The following TP53BP1 variants were observed in gnomAD, a reference collection of about 807,000 sequenced individuals.
The protein encoded by TP53BP1 is TP53-binding protein 1.
Under a neutral mutation model 200.8 loss-of-function variants are expected in TP53BP1, and 61 were observed. That is an observed-to-expected ratio of 0.30 (90% CI 0.25 to 0.38). The LOEUF is 0.38. TP53BP1 is among the 10% of genes least tolerant of loss of function. The pLI is 1.00. For synonymous variants in TP53BP1, 822 were observed against 844.3 expected, an observed-to-expected ratio of 0.97 and a Z score of 0.46; for missense variants, 2,144 against 2,371.9, an observed-to-expected ratio of 0.90 and a Z score of 2.00.
At chr15:43,500,938 G>A (rs534524782) in intron 1 of TP53BP1, among the ~76,000 whole-genome samples, 3 of 152,246 alleles carry the variant, frequency 2.0e-5, no homozygotes, top group African/African-American at 4.8e-5. Flanking sequence ...GGAGGCCAAT[G>A]CAGGAGGATC....
intron 10 of TP53BP1, among the ~76,000 whole-genome samples, 191 bp from the exon 11 acceptor site, chr15:43,470,257 G>A (rs187734563): frequency 2.0e-5 from 3 of 152,286 alleles, no homozygotes; most frequent in South Asian, 2.1e-4. Flanking sequence ...TTTGGTTGGC[G>A]GAGCAGTCCA....
intron 23 of TP53BP1, among the ~76,000 whole-genome samples, chr15:43,415,055 G>C (rs1457927274): frequency 6.6e-6 from 1 of 152,122 alleles, no homozygotes; most frequent in African/African-American, 2.4e-5. Flanking sequence ...AAGCACAAGA[G>C]AGAGGGGAGC....
At position 43,419,536 on chromosome 15, in the gene TP53BP1, C is replaced by CT. The variant is rs34159488; in HGVS notation, c.4681+768dup. On this transcript the variant is annotated intron_variant, in intron 21 of 27. Coordinates refer to ENST00000382044, the MANE Select transcript of TP53BP1 (RefSeq NM_001141980.3). ...CCCCATGCCCAGCTAATTTATGTTC[C>CT]TTTTTTTTTTTTTTTTTTTTTTTTT... is the stretch of plus-strand genomic sequence containing the variant. 6.1e-3 allele frequency among the ~76,000 whole-genome samples: 447 copies of CT among 73,424 alleles called. 40 individuals carry two copies. The highest frequency in any genetic ancestry group is 9.2e-3 in the South Asian group (18 of 1,948). 48.2% of individuals were successfully genotyped at this position (73,424 alleles called of 152,430 possible).
chr15:43,420,926 C>A (rs2045381335), intron 20 of TP53BP1, 99 bp downstream of exon 20: 1 of 1,456,908 alleles, frequency 6.9e-7, no homozygotes, highest in Non-Finnish European at 9.3e-7. Context: ...TATGGCCCCT[C>A]TTCTCCCTCC....
intron 4 of TP53BP1, among the ~76,000 whole-genome samples, chr15:43,482,090 G>C (rs892861003): frequency 6.6e-6 from 1 of 151,658 alleles, no homozygotes; most frequent in African/African-American, 2.4e-5. Context: ...TTAGCTGGGC[G>C]TGGTGGCAGG....
intron 26 of TP53BP1, 99 bp downstream of exon 26, chr15:43,408,798 C>G: frequency 8.2e-7 from 1 of 1,223,196 alleles, no homozygotes; most frequent in Non-Finnish European, 1.2e-6. Flanking sequence ...ACAGACATTC[C>G]AATTTCTAGA....
At chr15:43,484,080 T>A (rs1403216354) in intron 4 of TP53BP1, among the ~76,000 whole-genome samples, 1 of 152,202 alleles carries the variant, frequency 6.6e-6, no homozygotes, top group African/African-American at 2.4e-5. Flanking sequence ...GATAGCACAA[T>A]GTTTCATATG....
Position 43,455,978 on chromosome 15 carries a change from G to C in TP53BP1, c.2630C>G (p.Ala877Gly). Residue 877 changes from alanine to glycine, a missense_variant, in exon 12 of 28, where the codon GCA (alanine) becomes GGA (glycine). Transcript: ENST00000382044. ...SLTEDSKMAN[A>G]KQLSSDAEAQ... ...CTCTGCATCTGAGCTTAGCTGCTTT[G>C]CATTAGCCATTTTTGAGTCTTCTGT... 2 of 1,614,164 alleles carry C rather than the reference G, an allele frequency of 1.2e-6. No individual in the cohort carries two copies. The highest frequency in any genetic ancestry group is 1.7e-6 in the Non-Finnish European group (2 of 1,180,020).
chr15:43,449,140 A>C (rs1374581267), intron 12 of TP53BP1, among the ~76,000 whole-genome samples: 2 of 152,186 alleles, frequency 1.3e-5, no homozygotes, highest in Non-Finnish European at 2.9e-5. Flanking sequence ...AAAACAAAAC[A>C]AAACAAAACA....
intron 11 of TP53BP1, among the ~76,000 whole-genome samples, chr15:43,461,815 C>T (rs1595586274): frequency 6.6e-6 from 1 of 151,438 alleles, no homozygotes; most frequent in African/African-American, 2.4e-5. Flanking sequence ...ATTACAGGTG[C>T]CCGCCACCAC....
At chr15:43,453,519 T>G (rs117075184) in intron 12 of TP53BP1, among the ~76,000 whole-genome samples, 3,199 of 148,618 alleles carry the variant, frequency 0.022, 78 homozygotes, top group South Asian at 0.076. Flanking sequence ...CCTTTTTAGC[T>G]CTAACATTTC....
upstream of TP53BP1, chr15:43,493,304 G>A (rs972584774): frequency 2.5e-6 from 3 of 1,182,410 alleles, no homozygotes; most frequent in Admixed American, 2.9e-5. Context: ...TTCCATGGCA[G>A]CATGGACGTT....
At chr15:43,493,439 C>T (rs997931357), upstream of TP53BP1, among the ~76,000 whole-genome samples, 2 of 152,192 alleles carry the variant, frequency 1.3e-5, no homozygotes, top group Non-Finnish European at 2.9e-5. Context: ...TCAGACATTT[C>T]AGTACCTCTA....
intron 4 of TP53BP1, 98 bp from the exon 5 acceptor site, chr15:43,481,120 C>A: frequency 6.9e-7 from 1 of 1,447,412 alleles, no homozygotes; most frequent in Non-Finnish European, 9.5e-7. Context: ...ATCTCTTAGC[C>A]AAACTTGAAA....
rs1595578920 is a variant in TP53BP1 at position 43,456,653 on chromosome 15, G to C, written c.1955C>G (p.Ala652Gly). The change falls in exon 12 of 28, where the codon GCT (alanine) becomes GGT (glycine). Residue 652 changes from alanine to glycine, a missense_variant. Physicochemically the swap from Ala to Gly is moderately conservative, Grantham distance 60. Transcript: ENST00000382044. Reference protein sequence around the residue: ...ALSSVLDQEEAMEIKEHHPEE... With the variant: ...ALSSVLDQEEGMEIKEHHPEE... ...TGGATGGTGTTCTTTAATTTCCATA[G>C]CTTCCTCCTGATCTAACACACTAGA... is the stretch of plus-strand genomic sequence containing the variant. 9.3e-6 allele frequency: 15 copies of C among 1,614,050 alleles called. No individual in the cohort carries two copies. The highest frequency in any genetic ancestry group is 1.3e-5 in the Non-Finnish European group (15 of 1,180,030).
intron 12 of TP53BP1, among the ~76,000 whole-genome samples, chr15:43,454,498 G>A (rs906694614): frequency 4.0e-5 from 6 of 151,512 alleles, no homozygotes; most frequent in African/African-American, 1.5e-4. Context: ...CGAGTAGCTG[G>A]GATTATAGGC....
chr15:43,408,302 A>AC (rs1595515020), intron 26 of TP53BP1: 4 of 496,402 alleles, frequency 8.1e-6, no homozygotes, highest in East Asian at 7.2e-5. Flanking sequence ...ATGTGGTGAG[A>AC]CCCCATCTCT....
intron 15 of TP53BP1, 131 bp downstream of exon 15, chr15:43,441,395 T>C (rs547216053): frequency 5.3e-5 from 37 of 704,454 alleles, no homozygotes; most frequent in African/African-American, 1.4e-4. Flanking sequence ...ATTCAAAACA[T>C]TGCTAAATCC....
At position 43,446,963 on chromosome 15, in the gene TP53BP1, G is replaced by A. The variant is rs1237449076; in HGVS notation, c.2837-373C>T. On this transcript the variant is annotated intron_variant, in intron 13 of 27. Coordinates refer to ENST00000382044, the MANE Select transcript of TP53BP1 (RefSeq NM_001141980.3). ...GTAGAAGACTACTGGCTGCTTCAGGGAAGGAGGATCTAAGTTTTCTTGCCC... is the reference window on the plus strand; with the variant it reads ...GTAGAAGACTACTGGCTGCTTCAGGAAAGGAGGATCTAAGTTTTCTTGCCC... 1.6e-5 allele frequency: 9 copies of A among 549,646 alleles called. No homozygotes were observed. In the Admixed American group the frequency reaches 2.1e-4, roughly 13 times the overall value. The allele number at this position is 549,646 out of a possible 1,614,324, so 34.0% of individuals were successfully genotyped here.
Sources: allele counts gnomAD v4.1 joint callset (sites outside exome capture counted in the v4.1 genomes callset), GRCh38; gene constraint gnomAD v4.1.1; transcripts MANE v1.5; gene names NCBI Gene and HGNC (gene_info 2026-07-23, HGNC 2026-07-21).